FSTL4: variants seen among roughly 807,000 people sequenced by gnomAD.
FSTL4 encodes follistatin like 4.
Under a neutral mutation model 78.2 loss-of-function variants are expected in FSTL4, and 28 were observed. The observed-to-expected ratio is 0.36, with a 90% CI of 0.27 to 0.49. The LOEUF (loss-of-function observed/expected upper bound fraction) is 0.49. FSTL4 is among the 20% of genes least tolerant of loss of function. The pLI is 0.98. For missense variants in FSTL4, 922 were observed against 1,084.9 expected, an observed-to-expected ratio of 0.85 and a Z score of 2.11; for synonymous variants, 422 against 440.5, an observed-to-expected ratio of 0.96 and a Z score of 0.53.
Position 133,316,660 on chromosome 5 carries a change from A to G in FSTL4, c.410-8T>C, listed in dbSNP as rs1753912164. On this transcript the variant is annotated splice_region_variant and splice_polypyrimidine_tract_variant and intron_variant, in intron 4 of 15. Coordinates refer to ENST00000265342, the MANE Select transcript of FSTL4 (RefSeq NM_015082.2). ...CCATGGTGCACGTGTCACCTGAAAG[A>G]GAAGGTGAGGTTATTATTTTGAGAC... is the stretch of plus-strand genomic sequence containing the variant. 1 of 1,599,664 alleles carries G rather than the reference A, an allele frequency of 6.3e-7. No individual in the cohort carries two copies. The highest frequency in any genetic ancestry group is 1.1e-5 in the South Asian group (1 of 90,556).
intron 7 of FSTL4, among the ~76,000 whole-genome samples, chr5:133,245,049 G>A (rs887171583): frequency 4.0e-5 from 6 of 151,492 alleles, no homozygotes; most frequent in Non-Finnish European, 7.4e-5. Context: ...GAGCTCTGGA[G>A]GTCGAGGCTG....
Position 133,240,236 on chromosome 5 carries a change from C to T in FSTL4, c.895-6699G>A, listed in dbSNP as rs139771603. On this transcript the variant is annotated intron_variant, in intron 7 of 15. Transcript: ENST00000265342. ...CTGCCTTTAAGAACTGTGACACTCA[C>T]TGCGAGGGTCCGCGGCTTCATTCTT... is the stretch of plus-strand genomic sequence containing the variant. 1.4e-3 allele frequency among the ~76,000 whole-genome samples: 220 copies of T among 152,310 alleles called. 1 individual carries two copies. The highest frequency in any genetic ancestry group is 5.0e-3 in the African/African-American group (209 of 41,570).
At chr5:133,326,964 T>G (rs1420340610) in intron 4 of FSTL4, among the ~76,000 whole-genome samples, 1 of 152,132 alleles carries the variant, frequency 6.6e-6, no homozygotes, top group African/African-American at 2.4e-5. Flanking sequence ...CCTGGAACAC[T>G]CCTCACTCCT....
At position 133,418,564 on chromosome 5, in the gene FSTL4, T is replaced by C. The variant is rs190089523; in HGVS notation, c.161-17578A>G. 1.3e-4 allele frequency among the ~76,000 whole-genome samples: 20 copies of C among 152,314 alleles called. No individual in the cohort carries two copies. In the East Asian group the frequency reaches 3.7e-3, roughly 28 times the overall value. On this transcript the variant is annotated intron_variant, in intron 3 of 15. Coordinates refer to ENST00000265342, the MANE Select transcript of FSTL4 (RefSeq NM_015082.2). ...GTTATAGAAATAAGGAAATAAACTT[T>C]ATATAGAATATGCAAAACAATCTTG... is the stretch of plus-strand genomic sequence containing the variant.
chr5:133,669,510 G>A, the FSTL4 span, among the ~76,000 whole-genome samples: 144 of 152,316 alleles, frequency 9.5e-4, 1 homozygote, highest in South Asian at 5.2e-3. Flanking sequence ...GCCAGGTTCC[G>A]GTCAGCAAGG....
At chr5:133,719,515 C>CA in the FSTL4 span, among the ~76,000 whole-genome samples, 17 of 150,974 alleles carry the variant, frequency 1.1e-4, no homozygotes, top group Admixed American at 7.9e-4. Context: ...ACTAAAAATA[C>CA]AAAAAAAATT....
intron 2 of FSTL4, among the ~76,000 whole-genome samples, chr5:133,572,518 A>G (rs1021012691): frequency 6.6e-6 from 1 of 152,214 alleles, no homozygotes; most frequent in African/African-American, 2.4e-5. Context: ...CAACAAATTA[A>G]CACTAAGAGC....
intron 3 of FSTL4, among the ~76,000 whole-genome samples, chr5:133,557,621 T>C (rs773290494): frequency 6.6e-6 from 1 of 152,182 alleles, no homozygotes; most frequent in Non-Finnish European, 1.5e-5. Context: ...TGGGATACAC[T>C]GGACTAGAGG....
intron 2 of FSTL4, among the ~76,000 whole-genome samples, chr5:133,590,512 C>G (rs1760600836): frequency 6.6e-6 from 1 of 152,124 alleles, no homozygotes; most frequent in African/African-American, 2.4e-5. Flanking sequence ...GGTGGTGGAC[C>G]TTCTAAGAAG....
At chr5:133,495,377 T>C (rs376861007) in intron 3 of FSTL4, among the ~76,000 whole-genome samples, 1 of 152,222 alleles carries the variant, frequency 6.6e-6, no homozygotes, top group Admixed American at 6.5e-5. Context: ...GAGGCAGCTG[T>C]TCTAACAGTG....
chr5:133,241,449 A>G (rs1751870915), intron 7 of FSTL4, among the ~76,000 whole-genome samples: 1 of 152,230 alleles, frequency 6.6e-6, no homozygotes, highest in Non-Finnish European at 1.5e-5. Context: ...CTGGGTATAC[A>G]CAGAGGCCCA....
chr5:133,716,504 CTG>C, the FSTL4 span, among the ~76,000 whole-genome samples: 1 of 152,028 alleles, frequency 6.6e-6, no homozygotes, highest in Non-Finnish European at 1.5e-5. Flanking sequence ...ACATGTTAAA[CTG>C]TGTTTTAAGC....
At chr5:133,212,242 C>T (rs551485920) in intron 13 of FSTL4, among the ~76,000 whole-genome samples, 1 of 152,358 alleles carries the variant, frequency 6.6e-6, no homozygotes, top group South Asian at 2.1e-4. Context: ...TTTAGCTGTT[C>T]TCTCTCCTTT....
At chr5:133,840,907 C>A in the FSTL4 span, among the ~76,000 whole-genome samples, 1 of 152,384 alleles carries the variant, frequency 6.6e-6, no homozygotes, top group East Asian at 1.9e-4. Flanking sequence ...CTGCTAAGCA[C>A]TTGCTGTGCA....
At chr5:133,620,487 T>C in the FSTL4 span, among the ~76,000 whole-genome samples, 3 of 152,222 alleles carry the variant, frequency 2.0e-5, no homozygotes, top group Non-Finnish European at 2.9e-5. Context: ...GAAGGTAATT[T>C]TGAAGCAAAA....
chr5:133,301,048 C>A (rs1357650141), intron 6 of FSTL4, among the ~76,000 whole-genome samples: 1 of 152,162 alleles, frequency 6.6e-6, no homozygotes, highest in Non-Finnish European at 1.5e-5. Flanking sequence ...ACCTGTGGCA[C>A]ACGGACTTCA....
chr5:133,333,887 G>C (rs1754404141), intron 4 of FSTL4: 1 of 152,334 alleles, frequency 6.6e-6, no homozygotes, highest in Admixed American at 6.5e-5. Flanking sequence ...CATGAGTACA[G>C]CTGCTCTTGG....
intron 4 of FSTL4, among the ~76,000 whole-genome samples, chr5:133,386,263 G>A (rs990275665): frequency 3.3e-5 from 5 of 152,180 alleles, no homozygotes; most frequent in Non-Finnish European, 7.3e-5. Flanking sequence ...AAAAAGGGTA[G>A]GATGTGTAAA....
At chr5:133,446,545 C>G (rs1028589362) in intron 3 of FSTL4, among the ~76,000 whole-genome samples, 34 of 152,206 alleles carry the variant, frequency 2.2e-4, no homozygotes, top group African/African-American at 8.0e-4. Flanking sequence ...GCACTCCCCC[C>G]ACTCCTCCAA....
Sources: allele counts gnomAD v4.1 joint callset (sites outside exome capture counted in the v4.1 genomes callset), GRCh38; gene constraint gnomAD v4.1.1; transcripts MANE v1.5; gene names NCBI Gene and HGNC (gene_info 2026-07-23, HGNC 2026-07-21).